The following RTKN2 variants were observed in gnomAD, a reference collection of about 807,000 sequenced individuals.
The protein encoded by RTKN2 is rhotekin 2, also known as rhotekin-2.
Under a neutral mutation model 71.5 loss-of-function variants are expected in RTKN2, and 69 were observed. The observed-to-expected ratio is 0.96, with a 90% CI of 0.79 to 1.18. The LOEUF (loss-of-function observed/expected upper bound fraction) is 1.18, where lower values mean the gene tolerates loss of function less well. Among genes scored for constraint, RTKN2 ranks in the 50% most tolerant of loss-of-function variants. The pLI, the probability that RTKN2 is intolerant of heterozygous loss-of-function variation, is 0.00. For synonymous variants in RTKN2, 236 were observed against 236.5 expected (o/e 1.00, Z 0.02); for missense variants, 724 against 719.7 (o/e 1.01, Z -0.07).
chr10:62,205,032 A>G lies in RTKN2; in HGVS notation c.1021-10T>C. On this transcript the variant is annotated splice_polypyrimidine_tract_variant and intron_variant, in intron 9 of 11. Coordinates refer to ENST00000373789, the MANE Select transcript of RTKN2 (RefSeq NM_145307.4). ...CCCGGATTCTGGTTTCCTAAAAATT[A>G]AGAAAAAAATTGGGGTTTTGCATGA... The G allele has an allele frequency of 1.3e-6, 2 of 1,570,980 alleles. No homozygotes were observed. The highest frequency in any genetic ancestry group is 2.1e-5 in the Admixed American group (1 of 46,886).
intron 3 of RTKN2, among the ~76,000 whole-genome samples, chr10:62,243,782 A>G (rs1842426810): frequency 6.6e-6 from 1 of 152,102 alleles, no homozygotes; most frequent in South Asian, 2.1e-4. Flanking sequence ...TTATGTCTTC[A>G]TTGCCATTTT....
At chr10:62,221,639 A>G (rs1841909506) in intron 7 of RTKN2, among the ~76,000 whole-genome samples, 1 of 152,164 alleles carries the variant, frequency 6.6e-6, no homozygotes, top group African/African-American at 2.4e-5. Context: ...GTAAAAATAG[A>G]TATAACTATG....
intron 6 of RTKN2, among the ~76,000 whole-genome samples, chr10:62,235,686 G>GTGTGTGTGTGTGTGTA (rs35595937): frequency 6.9e-4 from 104 of 151,078 alleles, no homozygotes; most frequent in African/African-American, 2.5e-3. Context: ...GTGTGTGTGT[G>GTGTGTGTGTGTGTGTA]TGTATACATG....
intron 6 of RTKN2, among the ~76,000 whole-genome samples, chr10:62,235,038 T>C (rs1475970646): frequency 6.6e-6 from 1 of 151,476 alleles, no homozygotes; most frequent in Non-Finnish European, 1.5e-5. Context: ...CAGAAAAAAA[T>C]GTAAAAAAAG....
At chr10:62,210,036 C>T (rs1249249102) in intron 9 of RTKN2, among the ~76,000 whole-genome samples, 1 of 152,170 alleles carries the variant, frequency 6.6e-6, no homozygotes, top group African/African-American at 2.4e-5. Flanking sequence ...GAGGAATCAA[C>T]ACACTGTCTT....
Position 62,193,135 on chromosome 10 carries a change from A to T in RTKN2, c.*4773T>A, listed in dbSNP as rs1385790487. 1.6e-6 allele frequency: 1 copy of T among 638,816 alleles called. No individual in the cohort carries two copies. Among genetic ancestry groups the T allele is most frequent in the Non-Finnish European group, 1.9e-6 (1 of 513,594 alleles). The allele number at this position is 638,816 out of a possible 1,614,324, so 39.6% of individuals were successfully genotyped here. A position where few individuals can be genotyped will look rare whatever the true frequency, so the allele number is the denominator to read the frequency against. On this transcript the variant is annotated 3_prime_UTR_variant, in exon 12 of 12. Transcript: ENST00000373789. Reference sequence around the variant, plus strand: ...AAGTTCTACAAAAATGCATCCATTCATAATTTTGAGTAGATAAACAAAATA... The same window carrying T: ...AAGTTCTACAAAAATGCATCCATTCTTAATTTTGAGTAGATAAACAAAATA...
exon 9 of RTKN2, chr10:62,184,251 A>T: frequency 9.8e-7 from 1 of 1,016,892 alleles, no homozygotes; most frequent in Non-Finnish European, 1.5e-6. Flanking sequence ...CATGAAGCTT[A>T]CATTCTACTA....
intron 5 of RTKN2, among the ~76,000 whole-genome samples, chr10:62,236,596 T>C (rs541194857): frequency 5.9e-5 from 9 of 152,008 alleles, no homozygotes; most frequent in Admixed American, 2.0e-4. Flanking sequence ...CTGGAAGGAG[T>C]AAAATCATTA....
chr10:62,184,720 C>T (rs558664327), intron 8 of RTKN2, among the ~76,000 whole-genome samples: 4 of 152,284 alleles, frequency 2.6e-5, no homozygotes, highest in East Asian at 3.9e-4. Context: ...TGAATAAGTA[C>T]TGCAGTTATG....
intron 2 of RTKN2, among the ~76,000 whole-genome samples, chr10:62,252,353 C>T (rs1842597095): frequency 6.6e-6 from 1 of 151,954 alleles, no homozygotes; most frequent in Admixed American, 6.6e-5. Context: ...CTAGCAAAGT[C>T]ACCCTAAAAG....
At chr10:62,256,151 T>C (rs1033062186) in intron 2 of RTKN2, among the ~76,000 whole-genome samples, 1 of 152,060 alleles carries the variant, frequency 6.6e-6, no homozygotes, top group Non-Finnish European at 1.5e-5. Context: ...CTTGTGTAGC[T>C]GAGATCATAG....
intron 1 of RTKN2, among the ~76,000 whole-genome samples, 167 bp downstream of exon 1, chr10:62,268,384 T>C (rs1437450317): frequency 3.3e-5 from 5 of 152,240 alleles, no homozygotes. Flanking sequence ...GTCCAGGCCC[T>C]TTAGAGCCCC....
intron 6 of RTKN2, among the ~76,000 whole-genome samples, chr10:62,230,971 A>G (rs533859953): frequency 6.6e-6 from 1 of 152,232 alleles, no homozygotes; most frequent in Non-Finnish European, 1.5e-5. Context: ...AATTAATTAT[A>G]TATAATAGTT....
At chr10:62,221,107 C>A (rs1841895447) in intron 7 of RTKN2, among the ~76,000 whole-genome samples, 1 of 142,944 alleles carries the variant, frequency 7.0e-6, no homozygotes, top group Non-Finnish European at 1.5e-5. Flanking sequence ...GTAGGTAAAT[C>A]TAAATAAATA....
intron 6 of RTKN2, among the ~76,000 whole-genome samples, chr10:62,234,941 A>G (rs899124584): frequency 2.6e-5 from 4 of 152,112 alleles, no homozygotes; most frequent in Admixed American, 2.0e-4. Flanking sequence ...AAGTACATCT[A>G]ATAATATGAA....
chr10:62,225,930 C>T (rs972839646), intron 6 of RTKN2, among the ~76,000 whole-genome samples: 5 of 151,870 alleles, frequency 3.3e-5, no homozygotes, highest in African/African-American at 7.3e-5. Context: ...TACAGGCGCC[C>T]GCCACCATGC....
At chr10:62,233,452 G>T (rs187035710) in intron 6 of RTKN2, among the ~76,000 whole-genome samples, 7 of 152,024 alleles carry the variant, frequency 4.6e-5, no homozygotes, top group Admixed American at 3.9e-4. Flanking sequence ...AAAATTAAAG[G>T]TCTCTTGCCT....
At chr10:62,235,980 A>G in intron 6 of RTKN2, 86 bp downstream of exon 6, 1 of 984,386 alleles carries the variant, frequency 1.0e-6, no homozygotes, top group Non-Finnish European at 1.5e-6. Flanking sequence ...TTCCATTTAT[A>G]AAGTAAACAT....
chr10:62,193,783 G>C lies in RTKN2; in HGVS notation c.*4125C>G. On this transcript the variant is annotated 3_prime_UTR_variant, in exon 12 of 12. Transcript: ENST00000373789. ...ATCACTAAACTAAAAGTAAGGTTAT[G>C]TCAATGGATTTTTAAAAGAGTATAC... The C allele has an allele frequency of 1.0e-6, 1 of 984,294 alleles. No homozygotes were observed. The highest frequency in any genetic ancestry group is 1.2e-6 in the Non-Finnish European group (1 of 828,910). The allele number at this position is 984,294 out of a possible 1,614,324, so 61.0% of individuals were successfully genotyped here.
Sources: allele counts gnomAD v4.1 joint callset (sites outside exome capture counted in the v4.1 genomes callset), GRCh38; gene constraint gnomAD v4.1.1; transcripts MANE v1.5; gene names NCBI Gene and HGNC (gene_info 2026-07-23, HGNC 2026-07-21).